The following TTC29 variants were observed in gnomAD, a reference collection of about 807,000 sequenced individuals.
TTC29 encodes the protein tetratricopeptide repeat domain 29, also known as tetratricopeptide repeat protein 29.
Under a neutral mutation model 58.1 loss-of-function variants are expected in TTC29, and 49 were observed. The observed-to-expected ratio is 0.84, with a 90% CI of 0.67 to 1.07. TTC29 has a LOEUF of 1.07. Among genes scored for constraint, TTC29 ranks in the 50% least tolerant of loss-of-function variants. TTC29 has a pLI of 0.00. For synonymous variants in TTC29, 209 were observed against 196.8 expected (o/e 1.06, Z -0.52); for missense variants, 582 against 555.6 (o/e 1.05, Z -0.48).
At chr4:146,932,150 C>T (rs1380263790) in intron 4 of TTC29, among the ~76,000 whole-genome samples, 1 of 152,128 alleles carries the variant, frequency 6.6e-6, no homozygotes, top group African/African-American at 2.4e-5. Flanking sequence ...CTTCTCTCTT[C>T]CCATCTGCAT....
rs1223701326 is a variant in TTC29, at chr4:146,903,604, C to A, written c.526G>T (p.Asp176Tyr). ...CFKIAQLIKI[D>Y]CGKKEAEAHM... is the part of the protein sequence containing the mutation. ...GCCTCGGCTTCTTTCTTCCCACAGT[C>A]AATTTTGATCAGCTGAGCAATCTTA... Residue 176 changes from aspartate to tyrosine, a missense_variant, in exon 6 of 13, where the codon GAC becomes TAC. Physicochemically the swap from Asp to Tyr is radical, Grantham distance 160. Coordinates refer to ENST00000325106, the MANE Select transcript of TTC29 (RefSeq NM_031956.4). 6.2e-7 allele frequency: 1 copy of A among 1,612,570 alleles called. No individual in the cohort carries two copies. Among genetic ancestry groups the A allele is most frequent in the Non-Finnish European group, 8.5e-7 (1 of 1,179,356 alleles).
At chr4:146,866,675 ACCTAAG>A (rs1487107561) in intron 8 of TTC29, among the ~76,000 whole-genome samples, 1 of 152,094 alleles carries the variant, frequency 6.6e-6, no homozygotes, top group Admixed American at 6.6e-5. Context: ...ATCTAGGAAA[ACCTAAG>A]TTTTCTATGC....
chr4:146,943,953 T>A (rs1816596), intron 2 of TTC29: 37,919 of 152,162 alleles, frequency 0.25, 5,218 homozygotes, highest in South Asian at 0.4. Context: ...GTAGCATAAA[T>A]GGAGCATATC....
chr4:146,844,438 TA>T (rs78097214), intron 8 of TTC29, among the ~76,000 whole-genome samples: 9,038 of 152,206 alleles, frequency 0.059, 378 homozygotes, highest in Admixed American at 0.13. Flanking sequence ...GTACTATAAA[TA>T]AAAAAATGTG....
At chr4:146,819,928 T>C (rs1291585859) in intron 10 of TTC29, among the ~76,000 whole-genome samples, 197 bp downstream of exon 10, 3 of 152,138 alleles carry the variant, frequency 2.0e-5, no homozygotes, top group Admixed American at 6.6e-5. Flanking sequence ...CCCTAAGATA[T>C]TGGAAAAGGA....
At chr4:146,930,116 T>C (rs1043725675) in intron 4 of TTC29, among the ~76,000 whole-genome samples, 95 of 138,044 alleles carry the variant, frequency 6.9e-4, no homozygotes, top group African/African-American at 2.5e-3. Context: ...TATATATATA[T>C]ATACACACAT....
At chr4:146,724,398 A>G (rs1401728558) in intron 11 of TTC29, among the ~76,000 whole-genome samples, 1 of 152,182 alleles carries the variant, frequency 6.6e-6, no homozygotes, top group African/African-American at 2.4e-5. Context: ...ATAAAAAAAG[A>G]TAATTTTTAA....
chr4:146,810,839 G>A (rs1376991330), intron 10 of TTC29, among the ~76,000 whole-genome samples: 1 of 151,830 alleles, frequency 6.6e-6, no homozygotes, highest in African/African-American at 2.4e-5. Context: ...TGATCCACCC[G>A]CCTCCGCTTC....
chr4:146,761,814 T>C (rs575203184), intron 11 of TTC29, among the ~76,000 whole-genome samples: 1 of 151,860 alleles, frequency 6.6e-6, no homozygotes, highest in African/African-American at 2.4e-5. Context: ...TAATTAATGA[T>C]GATTTATCTG....
intron 6 of TTC29, among the ~76,000 whole-genome samples, chr4:146,893,977 G>C (rs566172480): frequency 1.8e-4 from 28 of 152,266 alleles, no homozygotes; most frequent in South Asian, 4.2e-4. Context: ...AAACCACAAT[G>C]AGATACCATC....
At chr4:146,733,083 A>AG (rs1270989412) in intron 11 of TTC29, among the ~76,000 whole-genome samples, 1 of 152,172 alleles carries the variant, frequency 6.6e-6, no homozygotes, top group East Asian at 1.9e-4. Context: ...GTTCACAGGC[A>AG]GGATCTCAGT....
intron 11 of TTC29, among the ~76,000 whole-genome samples, chr4:146,710,488 A>T (rs1018617054): frequency 9.9e-5 from 15 of 152,046 alleles, no homozygotes; most frequent in Admixed American, 5.2e-4. Context: ...GCATGACTGG[A>T]TACTTCTTCT....
At chr4:146,717,152 G>A (rs901474264) in intron 11 of TTC29, among the ~76,000 whole-genome samples, 29 of 152,252 alleles carry the variant, frequency 1.9e-4, no homozygotes, top group African/African-American at 6.7e-4. Flanking sequence ...GGAAAAAGGA[G>A]TTGTAGCTGC....
intron 10 of TTC29, among the ~76,000 whole-genome samples, chr4:146,818,194 G>A (rs1387616194): frequency 6.6e-6 from 1 of 151,930 alleles, no homozygotes; most frequent in Non-Finnish European, 1.5e-5. Flanking sequence ...TCTGACAAAG[G>A]GCTAATATCC....
At chr4:146,765,796 C>T (rs964093421) in intron 11 of TTC29, among the ~76,000 whole-genome samples, 1 of 152,102 alleles carries the variant, frequency 6.6e-6, no homozygotes, top group Non-Finnish European at 1.5e-5. Flanking sequence ...TGATGATACT[C>T]TATGACTGAT....
intron 11 of TTC29, among the ~76,000 whole-genome samples, chr4:146,741,693 A>C (rs1745163344): frequency 6.6e-6 from 1 of 152,126 alleles, no homozygotes; most frequent in Non-Finnish European, 1.5e-5. Context: ...CCATATTCCT[A>C]ACATGTTCTA....
At chr4:146,931,301 AAAGAG>A (rs1288859404) in intron 4 of TTC29, among the ~76,000 whole-genome samples, 5 of 152,244 alleles carry the variant, frequency 3.3e-5, no homozygotes, top group Admixed American at 1.3e-4. Context: ...AACTATACAT[AAAGAG>A]AAATGATAAA....
chr4:146,755,453 A>C (rs1006716709), intron 11 of TTC29, among the ~76,000 whole-genome samples: 1 of 152,160 alleles, frequency 6.6e-6, no homozygotes, highest in Admixed American at 6.5e-5. Context: ...GAAGCATCAC[A>C]CTTTCTCGTT....
chr4:146,794,854 G>A (rs560988175), intron 11 of TTC29, among the ~76,000 whole-genome samples: 104 of 152,070 alleles, frequency 6.8e-4, no homozygotes, highest in Middle Eastern at 3.4e-3. Flanking sequence ...GTGTTACATA[G>A]GTAAATGGAA....
Sources: gnomAD v4.1 joint callset for allele counts (sites outside exome capture counted in the v4.1 genomes callset) on GRCh38, gnomAD v4.1.1 for gene constraint, MANE v1.5 for transcripts, NCBI Gene and HGNC (gene_info 2026-07-23, HGNC 2026-07-21) for gene names.